Variants in FOXP1 observed in about 807,000 individuals in gnomAD.
FOXP1 encodes forkhead box protein P1.
In FOXP1, 15 loss-of-function variants were observed where a neutral mutation model predicts 98.2. The observed-to-expected ratio is 0.15, with a 90% CI of 0.10 to 0.24. The LOEUF (loss-of-function observed/expected upper bound fraction) is 0.24. FOXP1 is among the 10% of genes least tolerant of loss of function. The pLI is 1.00. For synonymous variants in FOXP1, 371 were observed against 314.5 expected, an observed-to-expected ratio of 1.18 and a Z score of -1.90; for missense variants, 633 against 848.5, an observed-to-expected ratio of 0.75 and a Z score of 3.15.
At chr3:71,094,278 CTTTTTTT>C (rs1180804992) in intron 7 of FOXP1, among the ~76,000 whole-genome samples, 4 of 127,824 alleles carry the variant, frequency 3.1e-5, no homozygotes, top group African/African-American at 6.1e-5. Flanking sequence ...TTTTTCTTTT[CTTTTTTT>C]TTTTTTTTTT....
chr3:71,002,319 T>C (rs2042220046), intron 12 of FOXP1, among the ~76,000 whole-genome samples: 1 of 152,210 alleles, frequency 6.6e-6, no homozygotes. Context: ...TTCATACTTA[T>C]TCATCTCATC....
intron 4 of FOXP1, among the ~76,000 whole-genome samples, chr3:71,352,722 A>C (rs1469807229): frequency 6.6e-6 from 1 of 152,176 alleles, no homozygotes; most frequent in Non-Finnish European, 1.5e-5. Flanking sequence ...TATAGGGTAG[A>C]CCTTTCAAAA....
chr3:71,132,740 A>C (rs1372832663), intron 6 of FOXP1, among the ~76,000 whole-genome samples: 3 of 152,196 alleles, frequency 2.0e-5, no homozygotes, highest in South Asian at 2.1e-4. Context: ...TGTACAAACC[A>C]ATTTTTAAAA....
At chr3:71,008,563 A>G (rs115642502) in intron 12 of FOXP1, among the ~76,000 whole-genome samples, 221 of 152,248 alleles carry the variant, frequency 1.5e-3, no homozygotes, top group African/African-American at 4.9e-3. Flanking sequence ...CAGTCACATG[A>G]TAACTCATGG....
At chr3:71,034,394 T>C (rs757748667) in intron 11 of FOXP1, among the ~76,000 whole-genome samples, 2 of 152,030 alleles carry the variant, frequency 1.3e-5, no homozygotes, top group Non-Finnish European at 2.9e-5. Flanking sequence ...GTCAGGGAAA[T>C]CTCAGGTCTA....
intron 2 of FOXP1, among the ~76,000 whole-genome samples, chr3:71,524,927 TC>T (rs1317384661): frequency 6.6e-6 from 1 of 152,110 alleles, no homozygotes; most frequent in East Asian, 1.9e-4. Flanking sequence ...AGCAATTACT[TC>T]CAGTCATGGC....
At chr3:71,486,360 A>G (rs1386725748) in intron 3 of FOXP1, among the ~76,000 whole-genome samples, 1 of 151,550 alleles carries the variant, frequency 6.6e-6, no homozygotes, top group Non-Finnish European at 1.5e-5. Flanking sequence ...AGAAGGAATA[A>G]AAAGATTTTA....
chr3:71,096,816 G>A (rs147686888), intron 7 of FOXP1, among the ~76,000 whole-genome samples: 1 of 152,246 alleles, frequency 6.6e-6, no homozygotes, highest in East Asian at 1.9e-4. Context: ...ACAAGTATGT[G>A]GTATAAGCCA....
chr3:71,429,916 TCAAA>T (rs1255321983), intron 3 of FOXP1, among the ~76,000 whole-genome samples: 3 of 152,208 alleles, frequency 2.0e-5, no homozygotes, highest in Non-Finnish European at 2.9e-5. Flanking sequence ...CCAGCATTCC[TCAAA>T]CATATTTGCA....
At chr3:71,523,048 T>A (rs1304688123) in intron 2 of FOXP1, among the ~76,000 whole-genome samples, 1 of 152,160 alleles carries the variant, frequency 6.6e-6, no homozygotes, top group Non-Finnish European at 1.5e-5. Context: ...CATACTGAAG[T>A]GGGGTGGGAC....
intron 20 of FOXP1, among the ~76,000 whole-genome samples, chr3:70,965,071 T>C (rs941726705): frequency 2.0e-5 from 3 of 152,238 alleles, no homozygotes; most frequent in Non-Finnish European, 4.4e-5. Flanking sequence ...GGCAACAGTT[T>C]TGAAGAACCT....
intron 6 of FOXP1, among the ~76,000 whole-genome samples, chr3:71,183,358 C>A (rs967655214): frequency 1.3e-5 from 2 of 151,962 alleles, no homozygotes; most frequent in South Asian, 4.2e-4. Flanking sequence ...ATTAGCTGGG[C>A]AATAGTGGCG....
chr3:71,519,978 G>T (rs1216303572), intron 2 of FOXP1, among the ~76,000 whole-genome samples: 2 of 152,216 alleles, frequency 1.3e-5, no homozygotes, highest in Non-Finnish European at 2.9e-5. Flanking sequence ...AGTTTTCCAA[G>T]TAAGAATCAA....
intron 3 of FOXP1, among the ~76,000 whole-genome samples, chr3:71,488,639 C>T (rs1440849819): frequency 6.6e-6 from 1 of 152,208 alleles, no homozygotes; most frequent in African/African-American, 2.4e-5. Context: ...TAGCCAATTA[C>T]ATTACTTGTA....
intron 3 of FOXP1, among the ~76,000 whole-genome samples, chr3:71,407,650 G>T (rs2082441689): frequency 6.6e-6 from 1 of 152,012 alleles, no homozygotes; most frequent in African/African-American, 2.4e-5. Context: ...GTGAGATACA[G>T]AAGAACTGTG....
At chr3:71,014,667 A>G (rs1176126903) in intron 12 of FOXP1, among the ~76,000 whole-genome samples, 1 of 152,226 alleles carries the variant, frequency 6.6e-6, no homozygotes, top group African/African-American at 2.4e-5. Flanking sequence ...TTTATAATTC[A>G]TGCTGCTATA....
intron 5 of FOXP1, among the ~76,000 whole-genome samples, chr3:71,283,920 C>T (rs372634051): frequency 1.7e-4 from 26 of 152,154 alleles, no homozygotes; most frequent in South Asian, 6.2e-4. Context: ...GACCCCTTTC[C>T]TATTTTCTCA....
At chr3:71,565,606 T>A (rs1467579416) in intron 2 of FOXP1, among the ~76,000 whole-genome samples, 1 of 152,230 alleles carries the variant, frequency 6.6e-6, no homozygotes, top group Non-Finnish European at 1.5e-5. Flanking sequence ...GTATAGTACC[T>A]AGTATATTTT....
intron 5 of FOXP1, among the ~76,000 whole-genome samples, chr3:71,240,939 G>A (rs754769459): frequency 5.9e-5 from 9 of 151,652 alleles, no homozygotes; most frequent in East Asian, 2.0e-4. Flanking sequence ...CGCTGGGCGC[G>A]GTTTCTCACG....
Sources: allele counts gnomAD v4.1 joint callset (sites outside exome capture counted in the v4.1 genomes callset), GRCh38; gene constraint gnomAD v4.1.1; transcripts MANE v1.5; gene names NCBI Gene and HGNC (gene_info 2026-07-23, HGNC 2026-07-21).